The following DESI2 variants were observed in gnomAD, a reference collection of about 807,000 sequenced individuals.
The protein encoded by DESI2 is desumoylating isopeptidase 2, also known as deubiquitinase DESI2.
In DESI2, 10 loss-of-function variants were observed where a neutral mutation model predicts 24.1. That is an observed-to-expected ratio of 0.41 (90% CI 0.26 to 0.70). The LOEUF (loss-of-function observed/expected upper bound fraction) is 0.70. Among genes scored for constraint, DESI2 ranks in the 30% least tolerant of loss-of-function variants. The pLI is 0.29. For missense variants in DESI2, 122 were observed against 234.9 expected, an observed-to-expected ratio of 0.52 and a Z score of 3.14; for synonymous variants, 71 against 87.7, an observed-to-expected ratio of 0.81 and a Z score of 1.06.
intron 1 of DESI2, among the ~76,000 whole-genome samples, chr1:244,659,198 G>A (rs1414415910): frequency 6.6e-6 from 1 of 151,712 alleles, no homozygotes; most frequent in Non-Finnish European, 1.5e-5. Flanking sequence ...TAGGGGGGAA[G>A]GGGGTGGGGG....
intron 4 of DESI2, among the ~76,000 whole-genome samples, chr1:244,701,534 G>A (rs1489005971): frequency 1.3e-5 from 2 of 152,122 alleles, no homozygotes; most frequent in Non-Finnish European, 2.9e-5. Flanking sequence ...TGATTCAGAG[G>A]ATAGAATCTC....
In DESI2 at chr1:244,683,546, T is replaced by C. The variant is rs369538566; in HGVS notation, c.43-3051T>C. Among the ~76,000 whole-genome samples, 209 of 152,160 alleles carry C rather than the reference T, an allele frequency of 1.4e-3. 1 individual carries two copies. The highest frequency in any genetic ancestry group is 7.5e-3 in the South Asian group (36 of 4,822). On this transcript the variant is annotated intron_variant, in intron 1 of 4. Coordinates refer to ENST00000302550, the MANE Select transcript of DESI2 (RefSeq NM_016076.5). The stretch of plus-strand genomic sequence containing the variant: ...CAGGGTGGTCTTGATCTCCTGACCT[T>C]GTGATCCGCCCACCTCAGCCTCCCA...
chr1:244,674,251 T>G (rs1676342085), intron 1 of DESI2, among the ~76,000 whole-genome samples: 1 of 152,034 alleles, frequency 6.6e-6, no homozygotes, highest in Non-Finnish European at 1.5e-5. Context: ...CACCCGCCTC[T>G]GCTCCCAAAG....
chr1:244,654,629 A>C (rs142082089), intron 1 of DESI2, among the ~76,000 whole-genome samples: 12 of 152,318 alleles, frequency 7.9e-5, no homozygotes, highest in African/African-American at 2.9e-4. Flanking sequence ...AAAGTTGAAG[A>C]GGAGAATAAG....
chr1:244,702,150 CTGTTT>C (rs772364621), intron 4 of DESI2, among the ~76,000 whole-genome samples: 8 of 152,206 alleles, frequency 5.3e-5, no homozygotes, highest in African/African-American at 1.9e-4. Context: ...TACCTCCAAT[CTGTTT>C]TGTTTTAAAA....
At chr1:244,679,781 C>A (rs993672515) in intron 1 of DESI2, among the ~76,000 whole-genome samples, 2 of 146,794 alleles carry the variant, frequency 1.4e-5, no homozygotes, top group Admixed American at 7.0e-5. Flanking sequence ...GCACAAGAAT[C>A]GCTCGAACCT....
chr1:244,678,502 AC>A (rs759665660), intron 1 of DESI2, among the ~76,000 whole-genome samples: 15 of 152,318 alleles, frequency 9.8e-5, no homozygotes, highest in Non-Finnish European at 2.1e-4. Flanking sequence ...CTAATTCTTT[AC>A]CAAAAGTCAA....
chr1:244,705,361 T>C (rs909217177), intron 4 of DESI2, among the ~76,000 whole-genome samples, 195 bp from the exon 5 acceptor site: 12 of 152,108 alleles, frequency 7.9e-5, no homozygotes, highest in African/African-American at 2.9e-4. Flanking sequence ...AAGGAAGGAA[T>C]GGAGCCAACA....
At chr1:244,654,421 ATTAT>A in intron 1 of DESI2, among the ~76,000 whole-genome samples, 1 of 152,290 alleles carries the variant, frequency 6.6e-6, no homozygotes, top group Middle Eastern at 3.4e-3. Context: ...ATTCCCTTGT[ATTAT>A]TTATAAGTTT....
At chr1:244,666,097 C>T (rs1676034342) in intron 1 of DESI2, among the ~76,000 whole-genome samples, 1 of 152,130 alleles carries the variant, frequency 6.6e-6, no homozygotes, top group Non-Finnish European at 1.5e-5. Flanking sequence ...TTGACATTCC[C>T]ACTCTCCGAG....
chr1:244,694,687 G>A (rs530824091), intron 4 of DESI2: 16 of 748,214 alleles, frequency 2.1e-5, no homozygotes, highest in African/African-American at 1.4e-4. Flanking sequence ...GTCTTATTGC[G>A]ACGCTTTCCA....
rs530924433 is a variant in DESI2 at position 244,653,695 on chromosome 1, C to T, written c.42+340C>T. On this transcript the variant is annotated intron_variant, in intron 1 of 4. Transcript: ENST00000302550. ...AAAGCTTCCGTTGCGTTTCCAACCC[C>T]ACTTGCCGGCCCCCGGGGCTGCCCC... 296 of 409,488 alleles carry T rather than the reference C, an allele frequency of 7.2e-4. 4 individuals are homozygous for T. Among genetic ancestry groups the T allele is most frequent in the South Asian group, 6.9e-3 (287 of 41,860 alleles). The allele number at this position is 409,488 out of a possible 1,614,324, so 25.4% of individuals were successfully genotyped here.
intron 4 of DESI2, among the ~76,000 whole-genome samples, chr1:244,694,963 T>C (rs894504241): frequency 6.6e-6 from 1 of 152,192 alleles, no homozygotes; most frequent in Non-Finnish European, 1.5e-5. Flanking sequence ...GGCTTAAACA[T>C]TGAGGAAACG....
intron 4 of DESI2, among the ~76,000 whole-genome samples, chr1:244,693,164 A>G (rs1001893453): frequency 4.6e-5 from 7 of 152,202 alleles, no homozygotes; most frequent in African/African-American, 1.7e-4. Flanking sequence ...TGACTTATCA[A>G]AGAAGATTGT....
At chr1:244,694,154 T>C (rs1312723212) in intron 4 of DESI2, among the ~76,000 whole-genome samples, 1 of 152,248 alleles carries the variant, frequency 6.6e-6, no homozygotes, top group Non-Finnish European at 1.5e-5. Flanking sequence ...CTAAGAATTA[T>C]CATTTAACAC....
chr1:244,695,583 G>T (rs1476995731), intron 4 of DESI2, among the ~76,000 whole-genome samples: 1 of 152,146 alleles, frequency 6.6e-6, no homozygotes, highest in African/African-American at 2.4e-5. Context: ...AACCCAGGAG[G>T]CAGAGGTTGC....
rs758062265 is a variant in DESI2, at chr1:244,705,676, A to G, written c.472A>G (p.Ser158Gly). The change falls in exon 5 of 5, where the codon AGT (serine) becomes GGT (glycine). Residue 158 changes from serine to glycine, a missense_variant. By Grantham distance (56) the Ser-to-Gly change is moderately conservative (BLOSUM62 0). Transcript: ENST00000302550. ...EWLTPAALQS[S>G]VSQELQDELE... ...GCTCACGCCCGCAGCCCTGCAGTCT[A>G]GTGTCAGCCAAGAACTCCAGGATGA... 1.2e-6 allele frequency: 2 copies of G among 1,613,992 alleles called. No individual in the cohort carries two copies. The highest frequency in any genetic ancestry group is 1.3e-5 in the African/African-American group (1 of 74,908).
intron 1 of DESI2, among the ~76,000 whole-genome samples, chr1:244,680,378 C>A (rs569030028): frequency 6.6e-6 from 1 of 151,596 alleles, no homozygotes; most frequent in Non-Finnish European, 1.5e-5. Flanking sequence ...TGCAGTGAAC[C>A]GAGATCAGGC....
chr1:244,691,805 C>A, intron 3 of DESI2, 74 bp from the exon 4 acceptor site: 1 of 1,193,742 alleles, frequency 8.4e-7, no homozygotes, highest in Non-Finnish European at 1.1e-6. Flanking sequence ...AGTATTTAAA[C>A]ATGCTTTTTA....
Sources: allele counts gnomAD v4.1 joint callset (sites outside exome capture counted in the v4.1 genomes callset), GRCh38; gene constraint gnomAD v4.1.1; transcripts MANE v1.5; gene names NCBI Gene and HGNC (gene_info 2026-07-23, HGNC 2026-07-21).